The following NLRP8 variants were observed in gnomAD, a reference collection of about 807,000 sequenced individuals.
The protein encoded by NLRP8 is NLR family pyrin domain containing 8.
A neutral mutation model predicts 88.7 loss-of-function variants in NLRP8; 86 were observed. The ratio of observed to expected loss-of-function variants is 0.97; its 90% confidence interval spans 0.81 to 1.16. NLRP8 has a LOEUF of 1.16. NLRP8 is among the 50% of genes most tolerant of loss of function. The pLI is 0.00. For synonymous variants in NLRP8, 504 were observed against 494.6 expected, an observed-to-expected ratio of 1.02 and a Z score of -0.25; for missense variants, 1,342 against 1,286.5, an observed-to-expected ratio of 1.04 and a Z score of -0.66.
intron 9 of NLRP8, among the ~76,000 whole-genome samples, chr19:55,981,403 G>A (rs1980567822): frequency 6.6e-6 from 1 of 152,130 alleles, no homozygotes; most frequent in Non-Finnish European, 1.5e-5. Context: ...TGCATTGGGG[G>A]CACCAAGGTA....
At chr19:55,961,929 T>G (rs1426174551) in intron 3 of NLRP8, 138 bp from the exon 4 acceptor site, 6 of 633,718 alleles carry the variant, frequency 9.5e-6, no homozygotes, top group Non-Finnish European at 1.5e-5. Flanking sequence ...TCTGAGTGCT[T>G]TATTTAAATG....
At chr19:55,970,836 A>G in intron 6 of NLRP8, 140 bp downstream of exon 6, 1 of 1,114,980 alleles carries the variant, frequency 9.0e-7, no homozygotes, top group South Asian at 1.6e-5. Context: ...TGATGTAATT[A>G]TATAGATAGG....
chr19:55,953,657 G>A (rs1021371899), intron 2 of NLRP8, among the ~76,000 whole-genome samples: 2 of 151,848 alleles, frequency 1.3e-5, no homozygotes, highest in African/African-American at 4.8e-5. Flanking sequence ...ATGCCACCAC[G>A]CCCAGCTAAC....
chr19:55,952,989 A>C (rs1979165077), intron 2 of NLRP8, among the ~76,000 whole-genome samples: 1 of 152,166 alleles, frequency 6.6e-6, no homozygotes, highest in Non-Finnish European at 1.5e-5. Context: ...CCCCCGGGCC[A>C]TGGACTAGTA....
chr19:55,957,483 C>T (rs1484103556), intron 3 of NLRP8, among the ~76,000 whole-genome samples: 1 of 151,202 alleles, frequency 6.6e-6, no homozygotes, highest in Non-Finnish European at 1.5e-5. Context: ...GCCAGGAGTT[C>T]GAGACCATGC....
rs373887231 is a variant in NLRP8 at position 55,956,112 on chromosome 19, G to C, written c.2042+12G>C. ...CATCCTGGCTCTGAGTAAGTGCTTCGGTCCCTCCTTGGGTAGCCCGTCCTA... is the reference window on the plus strand; with the variant it reads ...CATCCTGGCTCTGAGTAAGTGCTTCCGTCCCTCCTTGGGTAGCCCGTCCTA... On this transcript the variant is annotated intron_variant, in intron 3 of 9. Transcript: ENST00000291971. 1.9e-5 allele frequency: 30 copies of C among 1,604,466 alleles called. No homozygotes were observed. Among genetic ancestry groups the C allele is most frequent in the Non-Finnish European group, 2.5e-5 (29 of 1,174,760 alleles).
At chr19:55,967,440 A>C (rs909864946) in intron 5 of NLRP8, among the ~76,000 whole-genome samples, 2 of 152,206 alleles carry the variant, frequency 1.3e-5, no homozygotes, top group African/African-American at 4.8e-5. Flanking sequence ...ATAAGTGAGA[A>C]CATGCTGTTT....
Position 55,979,426 on chromosome 19 carries a change from G to T in NLRP8, c.2909G>T (p.Cys970Phe). The T allele has an allele frequency of 6.2e-7, 1 of 1,614,090 alleles. No individual in the cohort carries two copies. Among genetic ancestry groups the T allele is most frequent in the Non-Finnish European group, 8.5e-7 (1 of 1,180,036 alleles). ...AACTGCCTGTTCACCTCCATCTGCT[G>T]CCAGGCCATGGCTTCCATGCTCCGC... Residue 970 changes from cysteine to phenylalanine, a missense_variant, in exon 9 of 10, where the codon TGC becomes TTC. Cys to Phe is a radical substitution (Grantham distance 205, BLOSUM62 -2). Transcript: ENST00000291971.
intron 8 of NLRP8, among the ~76,000 whole-genome samples, chr19:55,978,021 G>C (rs1425894096): frequency 1.3e-5 from 2 of 152,040 alleles, no homozygotes. Flanking sequence ...TTCTACACTT[G>C]AAAGTGTTTA....
chr19:55,948,657 C>T (rs1057048872), intron 1 of NLRP8, among the ~76,000 whole-genome samples: 5 of 152,054 alleles, frequency 3.3e-5, no homozygotes, highest in Non-Finnish European at 7.4e-5. Flanking sequence ...AGGCTGGTCT[C>T]GAACTACTGA....
intron 1 of NLRP8, among the ~76,000 whole-genome samples, chr19:55,951,368 A>G (rs981783532): frequency 6.6e-6 from 1 of 152,230 alleles, no homozygotes; most frequent in African/African-American, 2.4e-5. Context: ...GCAGGAAACA[A>G]ACGTTGTGTT....
At chr19:55,972,856 C>T (rs1335631133) in intron 6 of NLRP8, among the ~76,000 whole-genome samples, 3 of 149,712 alleles carry the variant, frequency 2.0e-5, no homozygotes, top group Non-Finnish European at 4.4e-5. Context: ...TCTTTATCCA[C>T]TTGTTGTTTT....
In NLRP8 at chr19:55,979,459, A is replaced by G. The variant is rs772274233; in HGVS notation, c.2942A>G (p.Gln981Arg). 3.2e-5 allele frequency: 52 copies of G among 1,614,092 alleles called. No individual in the cohort carries two copies. Among genetic ancestry groups the G allele is most frequent in the Non-Finnish European group, 4.1e-5 (48 of 1,180,036 alleles). Reference sequence around the variant, plus strand: ...ATGGCTTCCATGCTCCGCAAAAACCAACATCTGAGACATCTGGACTTGAGC... The same window carrying G: ...ATGGCTTCCATGCTCCGCAAAAACCGACATCTGAGACATCTGGACTTGAGC... Residue 981 changes from glutamine (Q) to arginine (R), a missense_variant, in exon 9 of 10, where the codon CAA (glutamine) becomes CGA (arginine). Transcript: ENST00000291971.
chr19:55,967,731 A>C lies in NLRP8; in HGVS notation c.2381+1351A>C, dbSNP rs138180389. Among the ~76,000 whole-genome samples, 15 of 152,360 alleles carry C rather than the reference A, an allele frequency of 9.8e-5. No individual in the cohort carries two copies. The East Asian group carries it at 1.9e-3, about 20-fold the overall frequency. On this transcript the variant is annotated intron_variant, in intron 5 of 9. Transcript: ENST00000291971. ...TATACCAGTGGTGGATGGCTGGATCACATGGCAGCCTGAAAGAGCTGATTT... is the reference window on the plus strand; with the variant it reads ...TATACCAGTGGTGGATGGCTGGATCCCATGGCAGCCTGAAAGAGCTGATTT...
intron 4 of NLRP8, among the ~76,000 whole-genome samples, chr19:55,962,981 C>A (rs961868795): frequency 6.6e-6 from 1 of 152,008 alleles, no homozygotes; most frequent in Non-Finnish European, 1.5e-5. Flanking sequence ...TATGGTTCAC[C>A]GCTGCATTCC....
At chr19:55,972,652 TC>T (rs1980127389) in intron 6 of NLRP8, among the ~76,000 whole-genome samples, 1 of 151,638 alleles carries the variant, frequency 6.6e-6, no homozygotes, top group African/African-American at 2.4e-5. Flanking sequence ...ATAGCTTAGC[TC>T]CCACATATGA....
rs770454023 is a variant in NLRP8, at chr19:55,966,244, C to G, written c.2245C>G (p.Gln749Glu). The change falls in exon 5 of 10, where the codon CAG (glutamine) becomes GAG (glutamate). Residue 749 changes from glutamine to glutamate, a missense_variant. Coordinates refer to ENST00000291971, the MANE Select transcript of NLRP8 (RefSeq NM_176811.2). ...GCGTGTGAATAGCACCATGTTGAAC[C>G]AGGACTTAATCGGTGTTTTGACGGG... 1 of 1,614,070 alleles carries G rather than the reference C, an allele frequency of 6.2e-7. No homozygotes were observed. Among genetic ancestry groups the G allele is most frequent in the East Asian group, 2.2e-5 (1 of 44,860 alleles).
At position 55,972,809 on chromosome 19, in the gene NLRP8, ATGTGTG is replaced by A. The variant is rs3055424; in HGVS notation, c.2535-818_2535-813del. Among the ~76,000 whole-genome samples, 1,196 of 135,142 alleles carry A rather than the reference ATGTGTG, an allele frequency of 8.8e-3. 10 individuals are homozygous for A. The highest frequency in any genetic ancestry group is 0.016 in the Middle Eastern group (4 of 256). 88.7% of individuals were successfully genotyped at this position (135,142 alleles called of 152,430 possible). On this transcript the variant is annotated intron_variant, in intron 6 of 9. Transcript: ENST00000291971. ...TTCCATGGTGTGTGTGTGTGTGTGTATGTGTGTGTGTGTGTGTGTGTGTGTGTGTGA... is the reference window on the plus strand; with the variant it reads ...TTCCATGGTGTGTGTGTGTGTGTGTATGTGTGTGTGTGTGTGTGTGTGTGA...
At chr19:55,952,138 A>G (rs1018836168) in intron 1 of NLRP8, among the ~76,000 whole-genome samples, 5 of 152,130 alleles carry the variant, frequency 3.3e-5, no homozygotes, top group African/African-American at 1.2e-4. Flanking sequence ...GGTTGATCCC[A>G]CCGATGTAGA....
Sources: gnomAD v4.1 joint callset for allele counts (sites outside exome capture counted in the v4.1 genomes callset) on GRCh38, gnomAD v4.1.1 for gene constraint, MANE v1.5 for transcripts, NCBI Gene and HGNC (gene_info 2026-07-23, HGNC 2026-07-21) for gene names.